SPTBN4: variants seen among roughly 807,000 people sequenced by gnomAD.
SPTBN4 encodes spectrin beta chain, non-erythrocytic 4.
In SPTBN4, 96 loss-of-function variants were observed where a neutral mutation model predicts 277.8. The observed-to-expected ratio is 0.35, with a 90% CI of 0.29 to 0.41. The LOEUF (loss-of-function observed/expected upper bound fraction) is 0.41. Among genes scored for constraint, SPTBN4 ranks in the 10% least tolerant of loss-of-function variants. SPTBN4 has a pLI of 1.00. For missense variants in SPTBN4, 3,006 were observed against 3,595.7 expected, an observed-to-expected ratio of 0.84 and a Z score of 4.19; for synonymous variants, 1,481 against 1,580.3, an observed-to-expected ratio of 0.94 and a Z score of 1.49.
chr19:40,530,181 C>T (rs535109875), intron 18 of SPTBN4, among the ~76,000 whole-genome samples: 6 of 152,214 alleles, frequency 3.9e-5, no homozygotes, highest in Admixed American at 2.0e-4. Flanking sequence ...GTTCAGGAGG[C>T]CCCCACCCAG....
intron 33 of SPTBN4, 186 bp downstream of exon 33, chr19:40,570,914 G>T (rs2145960714): frequency 1.6e-6 from 1 of 626,294 alleles, no homozygotes; most frequent in East Asian, 3.5e-5. Context: ...TGAGCAGGAG[G>T]GGGTGTGGTT....
Position 40,570,657 on chromosome 19 carries a change from TCA to T in SPTBN4, c.7253_7254del (p.Thr2418SerfsTer16), listed in dbSNP as rs1230163920. ...SAPAPPPPPTHTVQHEGFLLR... is the reference protein window; with the variant it reads ...SAPAPPPPPTXTVQHEGFLLR... ...CCCCCGCGCCTCCGCCACCGCCCACTCACACAGTGCAGCACGAGGGCTTCCTA... is the reference window on the plus strand; with the variant it reads ...CCCCCGCGCCTCCGCCACCGCCCACTCACAGTGCAGCACGAGGGCTTCCTA... On this transcript the variant is annotated frameshift_variant, in exon 33 of 36. Transcript: ENST00000598249. LOFTEE classifies it high-confidence loss of function. The T allele has an allele frequency of 1.9e-6, 3 of 1,555,702 alleles. No homozygotes were observed. Among genetic ancestry groups the T allele is most frequent in the Non-Finnish European group, 1.7e-6 (2 of 1,154,870 alleles).
chr19:40,480,971 A>C (rs1023141539), intron 2 of SPTBN4, among the ~76,000 whole-genome samples: 2 of 152,148 alleles, frequency 1.3e-5, no homozygotes, highest in Non-Finnish European at 2.9e-5. Flanking sequence ...ACGCTGAGGC[A>C]GGAGAATCAC....
chr19:40,556,897 C>A, intron 25 of SPTBN4, 126 bp from the exon 26 acceptor site: 2 of 1,284,786 alleles, frequency 1.6e-6, no homozygotes, highest in Non-Finnish European at 2.1e-6. Context: ...CACTGCACGC[C>A]AACCTGGGCG....
intron 35 of SPTBN4, among the ~76,000 whole-genome samples, chr19:40,574,729 T>G (rs1355870416): frequency 6.6e-6 from 1 of 152,118 alleles, no homozygotes; most frequent in African/African-American, 2.4e-5. Flanking sequence ...AAAAATAGTT[T>G]CTTGGCCTGG....
At chr19:40,569,576 G>A in intron 31 of SPTBN4, 81 bp from the exon 32 acceptor site, 1 of 1,449,700 alleles carries the variant, frequency 6.9e-7, no homozygotes, top group Non-Finnish European at 9.5e-7. Context: ...CTAAGAAGTG[G>A]AGGCTCCTCT....
At chr19:40,542,413 C>A (rs536302187) in intron 20 of SPTBN4, among the ~76,000 whole-genome samples, 16 of 152,318 alleles carry the variant, frequency 1.1e-4, no homozygotes, top group African/African-American at 3.8e-4. Flanking sequence ...TGCTTCCTGG[C>A]CAAGAAGCCA....
At chr19:40,495,859 G>C (rs901529191) in intron 6 of SPTBN4, among the ~76,000 whole-genome samples, 1 of 151,972 alleles carries the variant, frequency 6.6e-6, no homozygotes, top group Non-Finnish European at 1.5e-5. Context: ...GCAGGAAGGG[G>C]CTTGTGGTGG....
intron 34 of SPTBN4, 24 bp downstream of exon 34, chr19:40,572,216 G>A (rs369227659): frequency 6.3e-7 from 1 of 1,594,824 alleles, no homozygotes; most frequent in Non-Finnish European, 8.6e-7. Flanking sequence ...TGGGCAGGAG[G>A]GAGGGATCCA....
chr19:40,570,595 C>G lies in SPTBN4; in HGVS notation c.7186C>G (p.Arg2396Gly). 7.3e-7 allele frequency: 1 copy of G among 1,378,826 alleles called. No homozygotes were observed. The highest frequency in any genetic ancestry group is 9.4e-7 in the Non-Finnish European group (1 of 1,066,744). 85.4% of individuals were successfully genotyped at this position (1,378,826 alleles called of 1,614,324 possible). ...AGAGGGTGGTGAGGGCGGGGGAAGCCGGCGCTCGCGCTCCGCCCCGGCCCA... is the reference window on the plus strand; with the variant it reads ...AGAGGGTGGTGAGGGCGGGGGAAGCGGGCGCTCGCGCTCCGCCCCGGCCCA... ...PREGGEGGGS[R>G]RSRSAPAQGG... The change falls in exon 33 of 36, where the codon CGG (arginine) becomes GGG (glycine). Residue 2396 changes from arginine to glycine, a missense_variant. Physicochemically the swap from Arg to Gly is moderately radical, Grantham distance 125 (BLOSUM62 -2). Around this residue, in one of 5 missense-constraint regions of SPTBN4, gnomAD observed 630 missense variants for 677.6 expected, o/e 0.93. Coordinates refer to ENST00000598249, the MANE Select transcript of SPTBN4 (RefSeq NM_020971.3).
intron 35 of SPTBN4, among the ~76,000 whole-genome samples, chr19:40,572,894 G>A (rs2081168259): frequency 6.6e-6 from 1 of 152,144 alleles, no homozygotes; most frequent in Non-Finnish European, 1.5e-5. Flanking sequence ...GGAAGGCGGA[G>A]GTTGCAGTGA....
chr19:40,489,234 A>T (rs952997548), intron 3 of SPTBN4, among the ~76,000 whole-genome samples: 5 of 150,260 alleles, frequency 3.3e-5, no homozygotes, highest in African/African-American at 1.2e-4. Flanking sequence ...AAAAAAAAGA[A>T]AGAAAAAAAA....
At chr19:40,525,923 C>A (rs377335849) in intron 17 of SPTBN4, among the ~76,000 whole-genome samples, 21 of 152,266 alleles carry the variant, frequency 1.4e-4, no homozygotes, top group African/African-American at 5.1e-4. Flanking sequence ...CTGCACCTTC[C>A]CACCATCCCA....
chr19:40,525,074 G>A (rs2080574467), intron 17 of SPTBN4, among the ~76,000 whole-genome samples: 1 of 152,000 alleles, frequency 6.6e-6, no homozygotes, highest in African/African-American at 2.4e-5. Flanking sequence ...AGGGGACCCA[G>A]TACCCCTCCT....
intron 31 of SPTBN4, among the ~76,000 whole-genome samples, chr19:40,569,213 G>A (rs1156807347): frequency 6.6e-6 from 1 of 152,074 alleles, no homozygotes; most frequent in Non-Finnish European, 1.5e-5. Context: ...ATCACTTGAG[G>A]TCAGAAGTTC....
At chr19:40,568,464 TA>T (rs941325524) in intron 31 of SPTBN4, among the ~76,000 whole-genome samples, 182 bp downstream of exon 31, 3 of 152,222 alleles carry the variant, frequency 2.0e-5, no homozygotes, top group African/African-American at 7.2e-5. Flanking sequence ...TGCCCATTGT[TA>T]CACAGAAAGG....
At chr19:40,567,342 TA>T (rs2081104537) in intron 30 of SPTBN4, among the ~76,000 whole-genome samples, 2 of 144,164 alleles carry the variant, frequency 1.4e-5, no homozygotes, top group African/African-American at 5.1e-5. Flanking sequence ...AATAAATAAA[TA>T]AAGTCTTAAA....
chr19:40,529,552 C>T (rs1271061646), intron 18 of SPTBN4, among the ~76,000 whole-genome samples: 1 of 152,194 alleles, frequency 6.6e-6, no homozygotes, highest in African/African-American at 2.4e-5. Context: ...GAACCAAGCC[C>T]TCGCCCCTTT....
intron 2 of SPTBN4, among the ~76,000 whole-genome samples, chr19:40,487,473 G>A (rs1203016835): frequency 2.0e-5 from 3 of 151,518 alleles, no homozygotes; most frequent in Non-Finnish European, 4.4e-5. Context: ...AGCCTCTCCA[G>A]TAGCTGGGAT....
Sources: allele counts gnomAD v4.1 joint callset (sites outside exome capture counted in the v4.1 genomes callset), GRCh38; gene constraint gnomAD v4.1.1; regional missense constraint gnomAD v4.1.1; transcripts MANE v1.5; gene names NCBI Gene and HGNC (gene_info 2026-07-23, HGNC 2026-07-21).